Variants in PLEKHA8 observed in about 807,000 individuals in gnomAD.
PLEKHA8 encodes the protein pleckstrin homology domain containing A8, also known as pleckstrin homology domain-containing family A member 8.
In PLEKHA8, 36 loss-of-function variants were observed where a neutral mutation model predicts 68.2. That is an observed-to-expected ratio of 0.53 (90% CI 0.40 to 0.70). The LOEUF (loss-of-function observed/expected upper bound fraction) is 0.70. Among genes scored for constraint, PLEKHA8 ranks in the 30% least tolerant of loss-of-function variants. PLEKHA8 has a pLI of 0.00. For missense variants in PLEKHA8, 505 were observed against 615.4 expected (o/e 0.82, Z 1.90); for synonymous variants, 211 against 216.1 (o/e 0.98, Z 0.20).
intron 13 of PLEKHA8, among the ~76,000 whole-genome samples, chr7:30,104,489 G>A (rs1197984802): frequency 6.6e-6 from 1 of 152,080 alleles, no homozygotes; most frequent in Non-Finnish European, 1.5e-5. Context: ...ATACCACTCA[G>A]CAATAACAAG....
intron 1 of PLEKHA8, among the ~76,000 whole-genome samples, chr7:30,029,105 G>T (rs2127954167): frequency 6.6e-6 from 1 of 152,302 alleles, no homozygotes; most frequent in Non-Finnish European, 1.5e-5. Flanking sequence ...GGAGGAAGGC[G>T]CAGACGCCCC....
At position 30,045,217 on chromosome 7, in the gene PLEKHA8, A is replaced by C. The variant is rs1437211054; in HGVS notation, c.157+16A>C. Reference sequence around the variant, plus strand: ...GAAATTCAAGGTGAGAAATCAAGCAACTTGCAAGTTTTATTTTTCTTTCTG... The same window carrying C: ...GAAATTCAAGGTGAGAAATCAAGCACCTTGCAAGTTTTATTTTTCTTTCTG... On this transcript the variant is annotated intron_variant, in intron 2 of 13. Coordinates refer to ENST00000449726, the MANE Select transcript of PLEKHA8 (RefSeq NM_001197026.2). The C allele has an allele frequency of 1.9e-6, 3 of 1,552,724 alleles. No homozygotes were observed. The highest frequency in any genetic ancestry group is 1.4e-5 in the African/African-American group (1 of 72,232).
intron 13 of PLEKHA8, among the ~76,000 whole-genome samples, chr7:30,076,955 T>C (rs898045402): frequency 6.6e-6 from 1 of 152,196 alleles, no homozygotes; most frequent in Admixed American, 6.6e-5. Context: ...TCTACTGAGC[T>C]GATAGCCATT....
At chr7:30,110,424 T>G (rs1057456625) in intron 13 of PLEKHA8, among the ~76,000 whole-genome samples, 1 of 152,242 alleles carries the variant, frequency 6.6e-6, no homozygotes, top group Non-Finnish European at 1.5e-5. Context: ...CACCAGTTAA[T>G]GAGCATTTGG....
rs1421587088 is a variant in PLEKHA8 at position 30,082,005 on chromosome 7, A to G, written c.*3218A>G. The G allele has an allele frequency of 1.1e-6, 1 of 933,808 alleles. No individual in the cohort carries two copies. The highest frequency in any genetic ancestry group is 1.3e-6 in the Non-Finnish European group (1 of 783,148). 57.8% of individuals were successfully genotyped at this position (933,808 alleles called of 1,614,324 possible). The stretch of plus-strand genomic sequence containing the variant: ...CCTTTTGGGAGTGAAACCAAATTGT[A>G]ACTATGAGGAGAAGATGGTCTTCTC... On this transcript the variant is annotated 3_prime_UTR_variant, in exon 14 of 14. Coordinates refer to ENST00000449726, the MANE Select transcript of PLEKHA8 (RefSeq NM_001197026.2).
Position 30,061,952 on chromosome 7 carries a change from T to C in PLEKHA8, c.1154T>C (p.Ile385Thr). ...GAAGAGTTTACCACTCTCCAGAAGATAGTGCTGCACGAAGTGGAGGCGGAT... is the reference window on the plus strand; with the variant it reads ...GAAGAGTTTACCACTCTCCAGAAGACAGTGCTGCACGAAGTGGAGGCGGAT... ...NKEEFTTLQK[I>T]VLHEVEADVA... Residue 385 changes from isoleucine to threonine, a missense_variant, in exon 11 of 14, where the codon ATA (isoleucine) becomes ACA (threonine). By Grantham distance (89) the Ile-to-Thr change is moderately conservative. Coordinates refer to ENST00000449726, the MANE Select transcript of PLEKHA8 (RefSeq NM_001197026.2). 2 of 1,614,074 alleles carry C rather than the reference T, an allele frequency of 1.2e-6. No individual in the cohort carries two copies. Among genetic ancestry groups the C allele is most frequent in the Non-Finnish European group, 8.5e-7 (1 of 1,179,974 alleles).
intron 13 of PLEKHA8, among the ~76,000 whole-genome samples, chr7:30,096,462 A>G (rs1359767494): frequency 3.3e-5 from 5 of 152,178 alleles, no homozygotes; most frequent in Non-Finnish European, 5.9e-5. Context: ...CAATCATGTC[A>G]TCTGCAAACA....
rs547709929 is a variant in PLEKHA8, at chr7:30,080,833, A to G, written c.*2046A>G. The G allele has an allele frequency of 1.2e-5, 12 of 985,388 alleles. No individual in the cohort carries two copies. The East Asian group carries it at 9.1e-4, about 75-fold the overall frequency. The allele number at this position is 985,388 out of a possible 1,614,324, so 61.0% of individuals were successfully genotyped here. ...GTCCCTGCCCTTGACATAGCCCCCT[A>G]AAACGGAAAAAGAAAAAGCCAGTTT... On this transcript the variant is annotated 3_prime_UTR_variant, in exon 14 of 14. Coordinates refer to ENST00000449726, the MANE Select transcript of PLEKHA8 (RefSeq NM_001197026.2).
chr7:30,084,028 C>T lies in PLEKHA8; in HGVS notation c.*5241C>T, dbSNP rs905183113. The T allele has an allele frequency of 2.7e-5, 27 of 985,414 alleles. No individual in the cohort carries two copies. Among genetic ancestry groups the T allele is most frequent in the Non-Finnish European group, 3.3e-5 (27 of 829,922 alleles). 61.0% of individuals were successfully genotyped at this position (985,414 alleles called of 1,614,324 possible). A position where few individuals can be genotyped will look rare whatever the true frequency, so the allele number is the denominator to read the frequency against. On this transcript the variant is annotated 3_prime_UTR_variant, in exon 14 of 14. Coordinates refer to ENST00000449726, the MANE Select transcript of PLEKHA8 (RefSeq NM_001197026.2). ...TGTTTAATGTATAATTCCCATGTAT[C>T]ATGAGAATTTCACTAGAATGTCATT... is the stretch of plus-strand genomic sequence containing the variant.
intron 13 of PLEKHA8, among the ~76,000 whole-genome samples, chr7:30,126,117 C>T (rs1583494386): frequency 6.6e-6 from 1 of 151,564 alleles, no homozygotes; most frequent in Admixed American, 6.6e-5. Context: ...TGTGTGAATG[C>T]CCTGGTATAA....
chr7:30,099,306 A>G (rs1181434918), intron 13 of PLEKHA8, among the ~76,000 whole-genome samples: 1 of 152,238 alleles, frequency 6.6e-6, no homozygotes, highest in Non-Finnish European at 1.5e-5. Context: ...TTGCAGACCC[A>G]GAAATACATC....
In PLEKHA8 at chr7:30,080,527, A is replaced by C; in HGVS notation, c.*1740A>C. ...CAGAGAAGTTTATGTAGGGAGGGGT[A>C]TTGGTTTTGCCTTTGTGTGTCTTTA... On this transcript the variant is annotated 3_prime_UTR_variant, in exon 14 of 14. Coordinates refer to ENST00000449726, the MANE Select transcript of PLEKHA8 (RefSeq NM_001197026.2). The C allele has an allele frequency of 1.0e-6, 1 of 985,298 alleles. No individual in the cohort carries two copies. Among genetic ancestry groups the C allele is most frequent in the Non-Finnish European group, 1.2e-6 (1 of 829,862 alleles). The allele number at this position is 985,298 out of a possible 1,614,324, so 61.0% of individuals were successfully genotyped here. A position where few individuals can be genotyped will look rare whatever the true frequency, so the allele number is the denominator to read the frequency against.
intron 13 of PLEKHA8, among the ~76,000 whole-genome samples, chr7:30,115,580 G>A (rs13244387): frequency 1.1e-5 from 1 of 90,514 alleles, no homozygotes; most frequent in Non-Finnish European, 2.7e-5. Flanking sequence ...ATACATGCAC[G>A]TATACATGTA....
chr7:30,129,295 C>T, exon 14 of PLEKHA8: 1 of 1,612,728 alleles, frequency 6.2e-7, no homozygotes, highest in Non-Finnish European at 8.5e-7. Context: ...GACGGAACTC[C>T]AGAAACCATC....
chr7:30,106,080 G>GTGGAGTCTCGCTCTGTTGCTCAGGC (rs1796045289), intron 13 of PLEKHA8, among the ~76,000 whole-genome samples: 2 of 147,542 alleles, frequency 1.4e-5, no homozygotes, highest in Admixed American at 6.8e-5. Context: ...TCTTTTTGAG[G>GTGGAGTCTCGCTCTGTTGCTCAGGC]TGGAGTCTCG....
chr7:30,049,052 G>T, intron 4 of PLEKHA8, 172 bp from the exon 5 acceptor site: 1 of 738,612 alleles, frequency 1.4e-6, no homozygotes. Flanking sequence ...AAATAGTGCT[G>T]ATAGTTACTT....
chr7:30,117,443 G>T (rs1423118930), intron 13 of PLEKHA8, among the ~76,000 whole-genome samples: 1 of 152,272 alleles, frequency 6.6e-6, no homozygotes, highest in East Asian at 1.9e-4. Flanking sequence ...GATGGTTCCT[G>T]CCTGTAAGCC....
chr7:30,115,300 G>T (rs140130965), intron 13 of PLEKHA8, among the ~76,000 whole-genome samples: 1 of 151,954 alleles, frequency 6.6e-6, no homozygotes, highest in African/African-American at 2.4e-5. Context: ...TTTTCTCTTG[G>T]TAAGCCTGAT....
intron 11 of PLEKHA8, among the ~76,000 whole-genome samples, chr7:30,062,388 T>C (rs1487394636): frequency 6.6e-6 from 1 of 152,170 alleles, no homozygotes; most frequent in Non-Finnish European, 1.5e-5. Context: ...GGCCCCAGAA[T>C]TTGCATTTCT....
Sources: gnomAD v4.1 joint callset for allele counts (sites outside exome capture counted in the v4.1 genomes callset) on GRCh38, gnomAD v4.1.1 for gene constraint, MANE v1.5 for transcripts, NCBI Gene and HGNC (gene_info 2026-07-23, HGNC 2026-07-21) for gene names.